The following UNC13B variants were observed in gnomAD, a reference collection of about 807,000 sequenced individuals.
The protein encoded by UNC13B is unc-13 homolog B.
Under a neutral mutation model 211.0 loss-of-function variants are expected in UNC13B, and 144 were observed. The observed-to-expected ratio is 0.68, with a 90% CI of 0.60 to 0.78. The LOEUF is 0.78. UNC13B is among the 30% of genes least tolerant of loss of function. The probability of loss-of-function intolerance (pLI) is 0.00; values close to 1 mark genes in which losing one functional copy is unlikely to be tolerated. For missense variants in UNC13B, 1,777 were observed against 2,002.0 expected, an observed-to-expected ratio of 0.89 and a Z score of 2.14; for synonymous variants, 709 against 725.8, an observed-to-expected ratio of 0.98 and a Z score of 0.37.
At chr9:35,314,191 A>G (rs1284806536) in intron 11 of UNC13B, among the ~76,000 whole-genome samples, 2 of 152,166 alleles carry the variant, frequency 1.3e-5, no homozygotes, top group African/African-American at 2.4e-5. Context: ...AAATAGACCT[A>G]GTGGGCTGAG....
chr9:35,177,138 T>G (rs1821680762), intron 1 of UNC13B, among the ~76,000 whole-genome samples: 3 of 151,806 alleles, frequency 2.0e-5, no homozygotes, highest in Admixed American at 2.0e-4. Context: ...TAAAAAAAAA[T>G]TAGTCGGGCG....
chr9:35,283,646 A>G (rs1368944943), intron 7 of UNC13B, among the ~76,000 whole-genome samples: 1 of 152,208 alleles, frequency 6.6e-6, no homozygotes, highest in Non-Finnish European at 1.5e-5. Context: ...GACAATTAAC[A>G]TAATAAGGAA....
chr9:35,287,818 C>T (rs894859841), intron 7 of UNC13B, among the ~76,000 whole-genome samples: 1 of 152,154 alleles, frequency 6.6e-6, no homozygotes, highest in East Asian at 1.9e-4. Flanking sequence ...TTCCACATCT[C>T]TTTCCTGAGC....
chr9:35,192,393 CT>C (rs1340694358), intron 1 of UNC13B, among the ~76,000 whole-genome samples: 1 of 152,174 alleles, frequency 6.6e-6, no homozygotes, highest in Non-Finnish European at 1.5e-5. Context: ...AATTCTCTGC[CT>C]TCTGCAGAAC....
At chr9:35,248,968 CATT>C (rs1369452801) in intron 6 of UNC13B, among the ~76,000 whole-genome samples, 2 of 152,182 alleles carry the variant, frequency 1.3e-5, no homozygotes, top group African/African-American at 4.8e-5. Context: ...TAAAGTCTCC[CATT>C]ATTATTGTGT....
chr9:35,390,528 C>CTCCAATATGACT, intron 25 of UNC13B, 101 bp from the exon 26 acceptor site: 1 of 1,318,146 alleles, frequency 7.6e-7, no homozygotes, highest in East Asian at 2.3e-5. Flanking sequence ...CATCTCCTCT[C>CTCCAATATGACT]TCCAATATGA....
chr9:35,164,529 A>G (rs191659002), intron 1 of UNC13B, among the ~76,000 whole-genome samples: 1 of 152,354 alleles, frequency 6.6e-6, no homozygotes, highest in Non-Finnish European at 1.5e-5. Context: ...TCATTCCTAA[A>G]CATTTCATTC....
chr9:35,187,859 G>A (rs1193748744), intron 1 of UNC13B, among the ~76,000 whole-genome samples: 3 of 152,098 alleles, frequency 2.0e-5, no homozygotes, highest in Non-Finnish European at 4.4e-5. Flanking sequence ...GTAAGGGTAT[G>A]AGGCCAGTTC....
chr9:35,397,829 C>A (rs1451886479), intron 30 of UNC13B, 117 bp downstream of exon 30: 1 of 1,082,684 alleles, frequency 9.2e-7, no homozygotes, highest in Non-Finnish European at 1.3e-6. Flanking sequence ...CTGATTCCCA[C>A]CATGGCTTTG....
rs367567567 is a variant in UNC13B at position 35,403,780 on chromosome 9, A to G, written c.12770A>G (p.Tyr4257Cys). The G allele has an allele frequency of 5.6e-5, 91 of 1,613,890 alleles. No homozygotes were observed. The highest frequency in any genetic ancestry group is 6.9e-5 in the Non-Finnish European group (81 of 1,179,994). The change falls in exon 40 of 40, where the codon TAT becomes TGT. Residue 4257 changes from tyrosine (Y) to cysteine (C), a missense_variant. Tyr to Cys is a radical substitution (Grantham distance 194). Transcript: ENST00000635942. ...GGAAATGAGGAGGGGCCCGAGTCCT[A>G]TGAGTTGCAGATATGCGTGAAGGAT... ...LLGNEEGPES[Y>C]ELQICVKDYC...
At chr9:35,260,061 AAAAC>A (rs1264320720) in intron 7 of UNC13B, among the ~76,000 whole-genome samples, 1 of 150,018 alleles carries the variant, frequency 6.7e-6, no homozygotes, top group Non-Finnish European at 1.5e-5. Context: ...AAAAAAAAAA[AAAAC>A]CAAGTGTGAT....
At chr9:35,289,806 G>C (rs1828995435) in intron 7 of UNC13B, among the ~76,000 whole-genome samples, 1 of 152,042 alleles carries the variant, frequency 6.6e-6, no homozygotes, top group South Asian at 2.1e-4. Context: ...GTGAAACCCT[G>C]TCTCTACTGA....
intron 17 of UNC13B, among the ~76,000 whole-genome samples, chr9:35,379,983 T>A (rs1303580753): frequency 6.6e-6 from 1 of 152,040 alleles, no homozygotes; most frequent in Admixed American, 6.5e-5. Context: ...ATATAGAAGT[T>A]CACCAAGCAC....
chr9:35,227,562 A>G (rs1045441997), intron 1 of UNC13B, among the ~76,000 whole-genome samples: 13 of 152,078 alleles, frequency 8.5e-5, no homozygotes, highest in Non-Finnish European at 1.6e-4. Context: ...TCCTCTTACT[A>G]TCTGCTTATT....
At chr9:35,320,729 G>A (rs939177602) in intron 11 of UNC13B, among the ~76,000 whole-genome samples, 1 of 152,082 alleles carries the variant, frequency 6.6e-6, no homozygotes, top group Non-Finnish European at 1.5e-5. Flanking sequence ...TGATGTAATG[G>A]AGTTACTTGT....
intron 24 of UNC13B, among the ~76,000 whole-genome samples, chr9:35,388,755 T>C (rs1358204570): frequency 1.3e-5 from 2 of 152,248 alleles, no homozygotes; most frequent in East Asian, 3.8e-4. Flanking sequence ...AGTCATATTC[T>C]GGAAGGTGTA....
intron 1 of UNC13B, among the ~76,000 whole-genome samples, chr9:35,188,614 G>T (rs1201030692): frequency 6.6e-6 from 1 of 152,162 alleles, no homozygotes; most frequent in Non-Finnish European, 1.5e-5. Flanking sequence ...CAGGCATCAG[G>T]AAAGACAATT....
intron 1 of UNC13B, among the ~76,000 whole-genome samples, chr9:35,184,358 C>T (rs1020826143): frequency 2.1e-4 from 32 of 152,196 alleles, no homozygotes; most frequent in Non-Finnish European, 3.1e-4. Context: ...CCAAGGCAGG[C>T]GGCTGGAAGG....
At chr9:35,310,979 T>G (rs1037087751) in intron 10 of UNC13B, among the ~76,000 whole-genome samples, 198 bp downstream of exon 10, 3 of 152,106 alleles carry the variant, frequency 2.0e-5, no homozygotes, top group African/African-American at 7.2e-5. Flanking sequence ...TGAAGAATAT[T>G]TGGGTTTTTG....
Sources: gnomAD v4.1 joint callset for allele counts (sites outside exome capture counted in the v4.1 genomes callset) on GRCh38, gnomAD v4.1.1 for gene constraint, MANE v1.5 for transcripts, NCBI Gene and HGNC (gene_info 2026-07-23, HGNC 2026-07-21) for gene names.